DLG2: variants seen among roughly 807,000 people sequenced by gnomAD.
DLG2 encodes the protein disks large homolog 2.
DLG2 carries 45 observed loss-of-function variants against 132.5 expected under a neutral mutation model. The observed-to-expected ratio is 0.34, with a 90% CI of 0.27 to 0.44. The LOEUF (loss-of-function observed/expected upper bound fraction) is 0.44, where lower values mean the gene tolerates loss of function less well. Among genes scored for constraint, DLG2 ranks in the 20% least tolerant of loss-of-function variants. DLG2 has a pLI of 1.00. For missense variants in DLG2, 1,045 were observed against 1,196.9 expected, an observed-to-expected ratio of 0.87 and a Z score of 1.87; for synonymous variants, 424 against 419.6, an observed-to-expected ratio of 1.01 and a Z score of -0.13.
chr11:83,848,174 A>G (rs1390162538), intron 16 of DLG2, among the ~76,000 whole-genome samples: 1 of 145,368 alleles, frequency 6.9e-6, no homozygotes, highest in Non-Finnish European at 1.5e-5. Flanking sequence ...CACTTATCTT[A>G]CAGTAAATTA....
intron 9 of DLG2, among the ~76,000 whole-genome samples, chr11:84,117,970 C>T (rs1262806247): frequency 6.6e-6 from 1 of 152,080 alleles, no homozygotes; most frequent in Non-Finnish European, 1.5e-5. Context: ...ATTCTCCTGC[C>T]TCAGCTTCCG....
rs954960145 is a variant in DLG2, at chr11:85,613,229, C to T, written c.-93+13358G>A. Among the ~76,000 whole-genome samples the T allele has an allele frequency of 3.3e-5, 5 of 152,112 alleles. No homozygotes were observed. The East Asian group carries it at 5.8e-4, about 18-fold the overall frequency. On this transcript the variant is annotated intron_variant, in intron 2 of 27. Transcript: ENST00000376104. ...TTGTCAAATTTGTTTCCTCTAGAATCGAGGCCATCAAGCTACCGATGGTCT... is the reference window on the plus strand; with the variant it reads ...TTGTCAAATTTGTTTCCTCTAGAATTGAGGCCATCAAGCTACCGATGGTCT...
chr11:85,614,398 T>C (rs1282907635), intron 2 of DLG2, among the ~76,000 whole-genome samples: 5 of 152,058 alleles, frequency 3.3e-5, no homozygotes, highest in Admixed American at 3.3e-4. Context: ...TCCCAGCACT[T>C]GAGGAGGCTG....
At chr11:83,641,600 A>G (rs2066529751) in intron 18 of DLG2, among the ~76,000 whole-genome samples, 1 of 152,094 alleles carries the variant, frequency 6.6e-6, no homozygotes, top group South Asian at 2.1e-4. Flanking sequence ...GGACGTCATT[A>G]GGAACTATTT....
At chr11:84,857,937 G>A (rs2083015036) in intron 6 of DLG2, among the ~76,000 whole-genome samples, 1 of 151,646 alleles carries the variant, frequency 6.6e-6, no homozygotes, top group Non-Finnish European at 1.5e-5. Context: ...GTGTCATGCA[G>A]GCTGGAGTGC....
At chr11:84,593,483 G>A (rs1010675025) in intron 6 of DLG2, among the ~76,000 whole-genome samples, 1 of 152,164 alleles carries the variant, frequency 6.6e-6, no homozygotes, top group African/African-American at 2.4e-5. Context: ...ATGAGTTTAT[G>A]TCCTTTGTGT....
At chr11:84,349,244 G>C (rs1191734147) in intron 7 of DLG2, among the ~76,000 whole-genome samples, 1 of 152,004 alleles carries the variant, frequency 6.6e-6, no homozygotes, top group African/African-American at 2.4e-5. Context: ...AGGGGTGCTG[G>C]GGACAGAATA....
intron 21 of DLG2, among the ~76,000 whole-genome samples, chr11:83,506,356 A>C (rs1194563783): frequency 6.6e-6 from 1 of 152,160 alleles, no homozygotes; most frequent in African/African-American, 2.4e-5. Flanking sequence ...TTCCACCATT[A>C]TCTCACACCT....
chr11:84,352,634 T>C (rs1191073738), intron 7 of DLG2, among the ~76,000 whole-genome samples: 2 of 152,200 alleles, frequency 1.3e-5, no homozygotes, highest in Non-Finnish European at 2.9e-5. Context: ...GTTGCTTATC[T>C]GCTGGCTCAA....
chr11:83,820,956 C>T (rs2050611710), intron 17 of DLG2, among the ~76,000 whole-genome samples: 1 of 152,148 alleles, frequency 6.6e-6, no homozygotes, highest in African/African-American at 2.4e-5. Context: ...CTGAGAATTT[C>T]AGGGAAAAAA....
At position 84,080,970 on chromosome 11, in the gene DLG2, C is replaced by T. The variant is rs189657214; in HGVS notation, c.749+17953G>A. ...TCGCACCATTGCACTCCAACCTGCA[C>T]GACAAGAGCAAAACTCTGTCTCAAA... On this transcript the variant is annotated intron_variant, in intron 10 of 27. Coordinates refer to ENST00000376104, the MANE Select transcript of DLG2 (RefSeq NM_001142699.3). 1.5e-4 allele frequency among the ~76,000 whole-genome samples: 22 copies of T among 144,532 alleles called. No homozygotes were observed. In the South Asian group the frequency reaches 3.5e-3, roughly 23 times the overall value. The allele number at this position is 144,532 out of a possible 152,430, so 94.8% of individuals were successfully genotyped here. A position where few individuals can be genotyped will look rare whatever the true frequency, so the allele number is the denominator to read the frequency against.
In DLG2 at chr11:84,551,319, A is replaced by G. The variant is rs368503638; in HGVS notation, c.358-16588T>C. On this transcript the variant is annotated intron_variant, in intron 6 of 27. Transcript: ENST00000376104. ...ATAAAAGCATATTTATACTTGATCT[A>G]GATGCTTAATATGCAACTTAATGTG... Among the ~76,000 whole-genome samples the G allele has an allele frequency of 9.2e-5, 14 of 152,320 alleles. No homozygotes were observed. In the East Asian group the frequency reaches 2.7e-3, roughly 29 times the overall value.
intron 6 of DLG2, among the ~76,000 whole-genome samples, chr11:84,752,074 T>C (rs533452670): frequency 1.1e-3 from 172 of 152,330 alleles, no homozygotes; most frequent in African/African-American, 3.9e-3. Context: ...AATCTTCCAC[T>C]GCCCAGTTCA....
At chr11:84,420,881 G>A (rs2098948278) in intron 7 of DLG2, among the ~76,000 whole-genome samples, 1 of 151,508 alleles carries the variant, frequency 6.6e-6, no homozygotes, top group Non-Finnish European at 1.5e-5. Flanking sequence ...TTTTAGCCAG[G>A]ATGGTCTCGA....
chr11:84,839,595 A>T (rs759992069), intron 6 of DLG2, among the ~76,000 whole-genome samples: 1 of 152,166 alleles, frequency 6.6e-6, no homozygotes, highest in Non-Finnish European at 1.5e-5. Flanking sequence ...TTCAAACTAT[A>T]TTACAAGGCT....
Position 85,518,762 on chromosome 11 carries a change from G to T in DLG2, c.40+79895C>A, listed in dbSNP as rs769174750. 8.5e-5 allele frequency among the ~76,000 whole-genome samples: 13 copies of T among 152,294 alleles called. No homozygotes were observed. In the South Asian group the frequency reaches 2.7e-3, roughly 32 times the overall value. On this transcript the variant is annotated intron_variant, in intron 3 of 27. Transcript: ENST00000376104. The stretch of plus-strand genomic sequence containing the variant: ...CAGCAGCCTCTCCCAACACAGGTCC[G>T]GAGGCCTAGGAGGAAAACATGGCTT...
At chr11:85,605,230 C>G (rs969823647) in intron 2 of DLG2, among the ~76,000 whole-genome samples, 1 of 152,154 alleles carries the variant, frequency 6.6e-6, no homozygotes, top group African/African-American at 2.4e-5. Flanking sequence ...GATCACACAG[C>G]TACTAAATAA....
chr11:85,007,822 T>A (rs1455772769), intron 6 of DLG2, among the ~76,000 whole-genome samples: 3 of 152,140 alleles, frequency 2.0e-5, no homozygotes, highest in African/African-American at 7.2e-5. Context: ...TAGACCACCC[T>A]CTTTTGTGAC....
At chr11:84,106,953 AAAGAG>A (rs2092986275) in intron 9 of DLG2, among the ~76,000 whole-genome samples, 4 of 30,158 alleles carry the variant, frequency 1.3e-4, no homozygotes, top group Non-Finnish European at 2.0e-4. Flanking sequence ...TGAGAGAGAG[AAAGAG>A]AGAGAGAGTT....
Sources: gnomAD v4.1 joint callset for allele counts (sites outside exome capture counted in the v4.1 genomes callset) on GRCh38, gnomAD v4.1.1 for gene constraint, MANE v1.5 for transcripts, NCBI Gene and HGNC (gene_info 2026-07-23, HGNC 2026-07-21) for gene names.